CSMD1: variants seen among roughly 807,000 people sequenced by gnomAD.
CSMD1 encodes CUB and sushi domain-containing protein 1.
A neutral mutation model predicts 417.5 loss-of-function variants in CSMD1; 213 were observed. The observed-to-expected ratio is 0.51, with a 90% confidence interval of 0.46 to 0.57. The LOEUF (loss-of-function observed/expected upper bound fraction) is 0.57, where lower values mean the gene tolerates loss of function less well. Among genes scored for constraint, CSMD1 ranks in the 20% least tolerant of loss-of-function variants. CSMD1 has a pLI of 0.00. For missense variants in CSMD1, 6,923 were observed against 4,529.7 expected, an observed-to-expected ratio of 1.53 and a Z score of -15.17; for synonymous variants, 2,862 against 1,736.8, an observed-to-expected ratio of 1.65 and a Z score of -16.11.
rs34493359 is a variant in CSMD1, at chr8:3,757,161, T to G, written c.819-3119A>C. On this transcript the variant is annotated intron_variant, in intron 5 of 69. Transcript: ENST00000635120. ...AATGATCACAAATAAATCCCCTCTC[T>G]ACCACCACCTACACCCACATCCACT... Among the ~76,000 whole-genome samples the G allele has an allele frequency of 4.7e-3, 709 of 152,004 alleles. 5 individuals carry two copies. Among genetic ancestry groups the G allele is most frequent in the Middle Eastern group, 0.017 (5 of 294 alleles).
chr8:3,391,795 T>C (rs994471373), intron 17 of CSMD1, among the ~76,000 whole-genome samples: 8 of 152,184 alleles, frequency 5.3e-5, no homozygotes, highest in Admixed American at 3.3e-4. Context: ...ATTTTGTCTG[T>C]AGAGATCATT....
intron 66 of CSMD1, 42 bp downstream of exon 66, chr8:2,951,072 T>G: frequency 6.3e-7 from 1 of 1,586,078 alleles, no homozygotes; most frequent in South Asian, 1.2e-5. Flanking sequence ...ACAGGTCTAT[T>G]TCTGCTCACA....
intron 5 of CSMD1, among the ~76,000 whole-genome samples, chr8:3,871,504 T>G (rs1805479127): frequency 6.6e-6 from 1 of 152,326 alleles, no homozygotes; most frequent in East Asian, 1.9e-4. Flanking sequence ...AATAAACATT[T>G]GTATCTCCAT....
intron 2 of CSMD1, among the ~76,000 whole-genome samples, chr8:4,470,180 C>G (rs929952559): frequency 1.3e-5 from 2 of 152,182 alleles, no homozygotes; most frequent in African/African-American, 2.4e-5. Flanking sequence ...TCATCTATTC[C>G]TCTCCATTGT....
At chr8:3,566,135 G>C (rs995601308) in intron 10 of CSMD1, among the ~76,000 whole-genome samples, 6 of 151,864 alleles carry the variant, frequency 4.0e-5, no homozygotes, top group African/African-American at 1.2e-4. Context: ...AAAAGATGGA[G>C]GAGAGAAAGA....
chr8:3,137,397 A>C (rs1342853013), intron 41 of CSMD1, among the ~76,000 whole-genome samples: 1 of 152,248 alleles, frequency 6.6e-6, no homozygotes, highest in Non-Finnish European at 1.5e-5. Flanking sequence ...CAGGGGGAAT[A>C]AACACCTCAA....
chr8:3,439,962 C>A (rs1312012802), intron 12 of CSMD1, among the ~76,000 whole-genome samples: 4 of 152,276 alleles, frequency 2.6e-5, no homozygotes, highest in Middle Eastern at 3.4e-3. Context: ...ACCAGGAGGG[C>A]ATCTTCTGTG....
intron 6 of CSMD1, among the ~76,000 whole-genome samples, chr8:3,746,155 G>C (rs1037066965): frequency 6.6e-6 from 1 of 152,232 alleles, no homozygotes; most frequent in Non-Finnish European, 1.5e-5. Flanking sequence ...TGAAGAATAA[G>C]AGCAGCTCAG....
At chr8:4,926,357 C>T (rs1320182078) in intron 1 of CSMD1, among the ~76,000 whole-genome samples, 1 of 152,154 alleles carries the variant, frequency 6.6e-6, no homozygotes, top group South Asian at 2.1e-4. Context: ...CTGACCCCAC[C>T]ATGAACTCTT....
intron 1 of CSMD1, among the ~76,000 whole-genome samples, chr8:4,965,609 G>C (rs537248066): frequency 2.6e-5 from 4 of 152,184 alleles, no homozygotes; most frequent in Admixed American, 6.5e-5. Flanking sequence ...GTTTGTCCCT[G>C]AAGTTTACTG....
At chr8:3,108,505 A>G (rs1816294014) in intron 44 of CSMD1, 98 bp downstream of exon 44, 3 of 1,303,064 alleles carry the variant, frequency 2.3e-6, no homozygotes, top group Non-Finnish European at 3.2e-6. Context: ...CCTCGGCTGA[A>G]TCAAGAAACT....
intron 23 of CSMD1, among the ~76,000 whole-genome samples, chr8:3,332,171 T>C (rs1164382078): frequency 1.3e-5 from 2 of 152,234 alleles, no homozygotes; most frequent in African/African-American, 4.8e-5. Flanking sequence ...ATCTATTAGA[T>C]GCACGGATAT....
At chr8:3,617,491 T>G (rs1226095120) in intron 7 of CSMD1, among the ~76,000 whole-genome samples, 1 of 152,176 alleles carries the variant, frequency 6.6e-6, no homozygotes, top group East Asian at 1.9e-4. Context: ...CCCAGGAATT[T>G]GCTTAGCAGA....
At chr8:4,181,268 T>G (rs1049455768) in intron 3 of CSMD1, among the ~76,000 whole-genome samples, 1 of 152,202 alleles carries the variant, frequency 6.6e-6, no homozygotes, top group Admixed American at 6.5e-5. Context: ...GTGCCCAATC[T>G]CATCTGAATT....
chr8:4,353,007 T>G (rs1584944562), intron 3 of CSMD1, among the ~76,000 whole-genome samples: 1 of 152,222 alleles, frequency 6.6e-6, no homozygotes, highest in South Asian at 2.1e-4. Context: ...GACTAATTAT[T>G]TCCTCTGGAT....
intron 10 of CSMD1, among the ~76,000 whole-genome samples, chr8:3,542,366 A>C (rs1798476203): frequency 6.6e-6 from 1 of 152,310 alleles, no homozygotes; most frequent in Admixed American, 6.5e-5. Context: ...ATAGGTAATT[A>C]GTTATTTTAT....
intron 17 of CSMD1, among the ~76,000 whole-genome samples, chr8:3,394,026 A>G (rs1373449752): frequency 1.1e-3 from 67 of 61,546 alleles, no homozygotes; most frequent in Non-Finnish European, 2.1e-3. Context: ...ATATATATAT[A>G]TATATATATA....
At chr8:3,713,860 G>C (rs970321151) in intron 6 of CSMD1, among the ~76,000 whole-genome samples, 1 of 152,114 alleles carries the variant, frequency 6.6e-6, no homozygotes, top group Non-Finnish European at 1.5e-5. Flanking sequence ...TATAAATCTT[G>C]TGTCTTCAAC....
intron 46 of CSMD1, among the ~76,000 whole-genome samples, chr8:3,101,799 CTTTT>C (rs530061255): frequency 6.6e-5 from 7 of 106,360 alleles, no homozygotes; most frequent in Admixed American, 1.1e-4. Context: ...CTTTCTTTTT[CTTTT>C]TTTTTTTTTT....
Sources: gnomAD v4.1 joint callset for allele counts (sites outside exome capture counted in the v4.1 genomes callset) on GRCh38, gnomAD v4.1.1 for gene constraint, MANE v1.5 for transcripts, NCBI Gene and HGNC (gene_info 2026-07-23, HGNC 2026-07-21) for gene names.